ERBB3: variants seen among roughly 807,000 people sequenced by gnomAD.
The protein encoded by ERBB3 is erb-b2 receptor tyrosine kinase 3.
ERBB3 carries 96 observed loss-of-function variants against 156.7 expected under a neutral mutation model. The ratio of observed to expected loss-of-function variants is 0.61; its 90% confidence interval spans 0.52 to 0.73. The LOEUF is 0.73. Ranked by LOEUF, ERBB3 falls within the 30% of genes least tolerant of loss-of-function variation. ERBB3 has a pLI of 0.00. For missense variants in ERBB3, 1,406 were observed against 1,709.4 expected (o/e 0.82, Z 3.13); for synonymous variants, 567 against 632.0 (o/e 0.90, Z 1.54).
In ERBB3 at chr12:56,095,488, C is replaced by A. The variant is rs1055983479; in HGVS notation, c.1914-177C>A. 3.3e-6 allele frequency: 3 copies of A among 907,072 alleles called. No homozygotes were observed. The African/African-American group carries it at 5.0e-5, about 15-fold the overall frequency. 56.2% of individuals were successfully genotyped at this position (907,072 alleles called of 1,614,324 possible). A position where few individuals can be genotyped will look rare whatever the true frequency, so the allele number is the denominator to read the frequency against. On this transcript the variant is annotated intron_variant, in intron 16 of 27. Transcript: ENST00000267101. Reference sequence around the variant, plus strand: ...TCTGGACTTCCCTTCCTAAAATTAACTTTCAGTAGTCTAAGACTGGTCCAG... The same window carrying A: ...TCTGGACTTCCCTTCCTAAAATTAAATTTCAGTAGTCTAAGACTGGTCCAG...
chr12:56,081,230 C>T (rs1251985718), intron 1 of ERBB3, among the ~76,000 whole-genome samples: 1 of 152,186 alleles, frequency 6.6e-6, no homozygotes, highest in Non-Finnish European at 1.5e-5. Flanking sequence ...GCCTCCCGCC[C>T]CCATTTTGCT....
rs778410519 is a variant in ERBB3, at chr12:56,098,947, T to G, written c.2839+42T>G. 1.9e-6 allele frequency: 3 copies of G among 1,544,580 alleles called. No homozygotes were observed. In the South Asian group the frequency reaches 3.5e-5, roughly 18 times the overall value. ...GCCCAACCATTTTCTCTTTTTTTCT[T>G]TTTTTTTCTTTTTTTTTTTTTTTTG... On this transcript the variant is annotated intron_variant, in intron 23 of 27. Coordinates refer to ENST00000267101, the MANE Select transcript of ERBB3 (RefSeq NM_001982.4).
chr12:56,093,716 T>C, intron 12 of ERBB3, 48 bp from the exon 13 acceptor site: 1 of 1,611,402 alleles, frequency 6.2e-7, no homozygotes, highest in East Asian at 2.2e-5. Flanking sequence ...AGAGAGGGCT[T>C]GCTGGGAGTC....
In ERBB3 at chr12:56,087,578, T is replaced by TC; in HGVS notation, c.555dup (p.Cys186LeufsTer3). ...TGTGTTGCCTTCCTTCCCAACCAGG[T>TC]CCCCCCTGTCATGAGGTTTGCAAGG... On this transcript the variant is annotated frameshift_variant and splice_region_variant, in exon 5 of 28. Coordinates refer to ENST00000267101, the MANE Select transcript of ERBB3 (RefSeq NM_001982.4). LOFTEE classifies it high-confidence loss of function. 1.2e-6 allele frequency: 2 copies of TC among 1,613,768 alleles called. No homozygotes were observed. The highest frequency in any genetic ancestry group is 1.7e-6 in the Non-Finnish European group (2 of 1,179,814).
At chr12:56,090,619 G>T (rs1008825976) in intron 9 of ERBB3, among the ~76,000 whole-genome samples, 2 of 151,944 alleles carry the variant, frequency 1.3e-5, no homozygotes, top group Non-Finnish European at 2.9e-5. Context: ...ACTCCAGCCT[G>T]GTGAAAGAGC....
At chr12:56,095,901 C>A in intron 17 of ERBB3, 95 bp downstream of exon 17, 2 of 1,345,008 alleles carry the variant, frequency 1.5e-6, no homozygotes, top group Non-Finnish European at 2.1e-6. Context: ...CCTGTGCACC[C>A]AGGGGTCAGT....
chr12:56,087,379 G>A (rs1324447215), intron 4 of ERBB3, among the ~76,000 whole-genome samples, 198 bp from the exon 5 acceptor site: 1 of 152,176 alleles, frequency 6.6e-6, no homozygotes, highest in Non-Finnish European at 1.5e-5. Flanking sequence ...CCCAGTGGGT[G>A]GTGTGGAGGC....
In ERBB3 at chr12:56,102,191, T is replaced by C; in HGVS notation, c.*136T>C. On this transcript the variant is annotated 3_prime_UTR_variant, in exon 28 of 28. Transcript: ENST00000267101. ...GTCCCAGACAATTCCATTCAATCTT[T>C]GGAGGCTTTTAAACATTTTGACACA... 1.2e-6 allele frequency: 1 copy of C among 809,304 alleles called. No individual in the cohort carries two copies. The highest frequency in any genetic ancestry group is 2.0e-6 in the Non-Finnish European group (1 of 488,570). The allele number at this position is 809,304 out of a possible 1,614,324, so 50.1% of individuals were successfully genotyped here.
Position 56,102,035 on chromosome 12 carries a change from G to T in ERBB3, c.4009G>T (p.Ala1337Ser). The change falls in exon 28 of 28, where the codon GCT (alanine) becomes TCT (serine). Residue 1337 changes from alanine (A) to serine (S), a missense_variant. Physicochemically the swap from Ala to Ser is moderately conservative, Grantham distance 99 (BLOSUM62 1). Transcript: ENST00000267101. Reference sequence around the variant, plus strand: ...CTGGCATAGCAGGCTTTTCCCCAAGGCTAATGCCCAGAGAACGTAACTCCT... The same window carrying T: ...CTGGCATAGCAGGCTTTTCCCCAAGTCTAATGCCCAGAGAACGTAACTCCT... ...DYWHSRLFPKANAQRT is the reference protein window; with the variant it reads ...DYWHSRLFPKSNAQRT 1 of 1,610,646 alleles carries T rather than the reference G, an allele frequency of 6.2e-7. No individual in the cohort carries two copies. The highest frequency in any genetic ancestry group is 8.5e-7 in the Non-Finnish European group (1 of 1,179,948).
intron 4 of ERBB3, among the ~76,000 whole-genome samples, chr12:56,087,009 G>A (rs1054320159): frequency 6.6e-6 from 1 of 151,676 alleles, no homozygotes; most frequent in Non-Finnish European, 1.5e-5. Flanking sequence ...GTAGTGGCTC[G>A]CACCTGTAAT....
intron 4 of ERBB3, 48 bp from the exon 5 acceptor site, chr12:56,087,529 C>G (rs1868525051): frequency 4.7e-6 from 7 of 1,497,436 alleles, no homozygotes; most frequent in Admixed American, 1.7e-5. Context: ...TTAAAACAAG[C>G]CTTTCTTAGC....
In ERBB3 at chr12:56,096,763, G is replaced by A. The variant is rs1868902175; in HGVS notation, c.2191G>A (p.Glu731Lys). ...GTVHKGVWIPEGESIKIPVCI... is the reference protein window; with the variant it reads ...GTVHKGVWIPKGESIKIPVCI... ...AACTTCCCAGGGAGTGTGGATCCCTGAGGGTGAATCAATCAAGATTCCAGT... is the reference window on the plus strand; with the variant it reads ...AACTTCCCAGGGAGTGTGGATCCCTAAGGGTGAATCAATCAAGATTCCAGT... Residue 731 changes from glutamate (E) to lysine (K), a missense_variant, in exon 19 of 28, where the codon GAG becomes AAG. Coordinates refer to ENST00000267101, the MANE Select transcript of ERBB3 (RefSeq NM_001982.4). 5.6e-6 allele frequency: 9 copies of A among 1,613,960 alleles called. No homozygotes were observed. The highest frequency in any genetic ancestry group is 7.6e-6 in the Non-Finnish European group (9 of 1,179,952).
Position 56,093,746 on chromosome 12 carries a change from C to T in ERBB3, c.1481-18C>T, listed in dbSNP as rs774002664. The T allele has an allele frequency of 2.5e-6, 4 of 1,613,868 alleles. No individual in the cohort carries two copies. In the Admixed American group the frequency reaches 6.7e-5, roughly 27 times the overall value. On this transcript the variant is annotated intron_variant, in intron 12 of 27. Coordinates refer to ENST00000267101, the MANE Select transcript of ERBB3 (RefSeq NM_001982.4). ...GGAGTCCTCAGACTCCTCTCCTAAC[C>T]CACCCCTTCCTTTCCAGTGGCAGAG...
chr12:56,101,168 C>A lies in ERBB3; in HGVS notation c.3309C>A (p.Gly1103=). The change falls in exon 27 of 28, where the codon GGC becomes GGA. Residue 1103 remains glycine (G), a synonymous_variant. Transcript: ENST00000267101. The stretch of plus-strand genomic sequence containing the variant: ...AGTCATCAGAGGGGCATGTAACAGG[C>A]TCTGAGGCTGAGCTCCAGGAGAAAG... ...ASESSEGHVT[G]SEAELQEKVS... The A allele has an allele frequency of 1.2e-6, 2 of 1,614,130 alleles. No individual in the cohort carries two copies. The highest frequency in any genetic ancestry group is 1.7e-6 in the Non-Finnish European group (2 of 1,180,034).
At chr12:56,094,865 T>A (rs1868840152) in intron 15 of ERBB3, among the ~76,000 whole-genome samples, 1 of 151,992 alleles carries the variant, frequency 6.6e-6, no homozygotes, top group Non-Finnish European at 1.5e-5. Context: ...GCAGGAGAAT[T>A]TCTTGAACCC....
intron 12 of ERBB3, 56 bp from the exon 13 acceptor site, chr12:56,093,708 A>T (rs1868794214): frequency 6.2e-7 from 1 of 1,610,460 alleles, no homozygotes; most frequent in Admixed American, 1.7e-5. Flanking sequence ...AATAATGAAG[A>T]GAGGGCTTGC....
rs959205699 is a variant in ERBB3 at position 56,094,262 on chromosome 12, T to C, written c.1704+73T>C. Reference sequence around the variant, plus strand: ...TACTTGGAGCATCTGGGGAATGATATGGCTAAGGATAGCACAGAGAGGCCA... The same window carrying C: ...TACTTGGAGCATCTGGGGAATGATACGGCTAAGGATAGCACAGAGAGGCCA... On this transcript the variant is annotated intron_variant, in intron 14 of 27. Transcript: ENST00000267101. 1.0e-5 allele frequency: 15 copies of C among 1,445,846 alleles called. No homozygotes were observed. In the African/African-American group the frequency reaches 1.7e-4, roughly 16 times the overall value. 89.6% of individuals were successfully genotyped at this position (1,445,846 alleles called of 1,614,324 possible).
At chr12:56,086,802 G>C in intron 4 of ERBB3, 146 bp downstream of exon 4, 1 of 867,624 alleles carries the variant, frequency 1.2e-6, no homozygotes, top group Non-Finnish European at 1.9e-6. Flanking sequence ...CACCAGGGCA[G>C]ACCATTCCAG....
chr12:56,094,078 T>G, intron 13 of ERBB3, 21 bp from the exon 14 acceptor site: 1 of 1,580,194 alleles, frequency 6.3e-7, no homozygotes, highest in Non-Finnish European at 8.7e-7. Flanking sequence ...GACCCCCCCC[T>G]CCCTTTATTC....
Sources: gnomAD v4.1 joint callset for allele counts (sites outside exome capture counted in the v4.1 genomes callset) on GRCh38, gnomAD v4.1.1 for gene constraint, MANE v1.5 for transcripts, NCBI Gene and HGNC (gene_info 2026-07-23, HGNC 2026-07-21) for gene names.